NINL: variants seen among roughly 807,000 people sequenced by gnomAD.
The protein encoded by NINL is ninein-like protein.
A neutral mutation model predicts 160.3 loss-of-function variants in NINL; 153 were observed. That is an observed-to-expected ratio of 0.95 (90% confidence interval 0.84 to 1.09). The LOEUF (loss-of-function observed/expected upper bound fraction) is 1.09, where lower values mean the gene tolerates loss of function less well. NINL is among the 50% of genes least tolerant of loss of function. The probability of loss-of-function intolerance (pLI) is 0.00; values close to 1 mark genes in which losing one functional copy is unlikely to be tolerated. For missense variants in NINL, 1,829 were observed against 1,764.0 expected (o/e 1.04, Z -0.66); for synonymous variants, 800 against 734.8 (o/e 1.09, Z -1.43).
intron 1 of NINL, among the ~76,000 whole-genome samples, chr20:25,542,133 C>T (rs2064673347): frequency 6.6e-6 from 1 of 152,218 alleles, no homozygotes; most frequent in Non-Finnish European, 1.5e-5. Context: ...TCCTCCAAAG[C>T]ATGGGCTCAG....
chr20:25,559,541 G>A (rs1446606245), intron 1 of NINL, among the ~76,000 whole-genome samples: 2 of 151,854 alleles, frequency 1.3e-5, no homozygotes, highest in African/African-American at 2.4e-5. Context: ...ACCCAGCTGG[G>A]AGGGCCTTTT....
chr20:25,561,999 G>A (rs1408220425), intron 1 of NINL, among the ~76,000 whole-genome samples: 7 of 144,824 alleles, frequency 4.8e-5, no homozygotes, highest in East Asian at 2.1e-4. Flanking sequence ...GGTGAGAGGC[G>A]CCTCTGCCCG....
intron 17 of NINL, 70 bp from the exon 18 acceptor site, chr20:25,470,165 C>A: frequency 8.1e-7 from 1 of 1,239,482 alleles, no homozygotes; most frequent in South Asian, 1.2e-5. Context: ...GCTGGCTCTG[C>A]AGCGGGGAGT....
At chr20:25,541,327 G>A (rs1197924137) in intron 1 of NINL, among the ~76,000 whole-genome samples, 2 of 152,222 alleles carry the variant, frequency 1.3e-5, no homozygotes, top group African/African-American at 4.8e-5. Flanking sequence ...GTTAGGTACT[G>A]AGACCCGTGC....
chr20:25,503,844 G>A, intron 7 of NINL, 108 bp downstream of exon 7: 1 of 1,354,120 alleles, frequency 7.4e-7, no homozygotes, highest in Non-Finnish European at 1.0e-6. Flanking sequence ...TCCAGTTCTT[G>A]GACAGCTTGT....
At chr20:25,535,434 T>C (rs2064539697) in intron 1 of NINL, among the ~76,000 whole-genome samples, 1 of 152,178 alleles carries the variant, frequency 6.6e-6, no homozygotes, top group Non-Finnish European at 1.5e-5. Flanking sequence ...ATTAAGTATG[T>C]GAGGGGACAG....
At chr20:25,573,323 A>G (rs2065076700) in intron 1 of NINL, among the ~76,000 whole-genome samples, 1 of 152,130 alleles carries the variant, frequency 6.6e-6, no homozygotes, top group South Asian at 2.1e-4. Flanking sequence ...TTAAAGAATA[A>G]AATAACATAG....
chr20:25,528,017 A>G (rs796689574), intron 1 of NINL, among the ~76,000 whole-genome samples: 3 of 152,306 alleles, frequency 2.0e-5, no homozygotes, highest in African/African-American at 7.2e-5. Flanking sequence ...AACAGTCTTG[A>G]AATTCACATT....
intron 1 of NINL, among the ~76,000 whole-genome samples, chr20:25,570,351 TC>T (rs2065039583): frequency 6.6e-6 from 1 of 152,136 alleles, no homozygotes; most frequent in African/African-American, 2.4e-5. Context: ...GTAAGCACCA[TC>T]CCCTTGGTGC....
chr20:25,501,010 C>A lies in NINL; in HGVS notation c.862G>T (p.Val288Phe). 5.0e-6 allele frequency: 8 copies of A among 1,613,590 alleles called. No homozygotes were observed. The highest frequency in any genetic ancestry group is 6.8e-6 in the Non-Finnish European group (8 of 1,179,766). ...GTGTGGCAGCCGCTCTCCTCTGGGACCTGCATGTCAGGAAGACTTCCATAG... is the reference window on the plus strand; with the variant it reads ...GTGTGGCAGCCGCTCTCCTCTGGGAACTGCATGTCAGGAAGACTTCCATAG... Reference protein sequence around the residue: ...KPSKAWSHYQVPEESGCHTTT... With the variant: ...KPSKAWSHYQFPEESGCHTTT... Residue 288 changes from valine to phenylalanine, a missense_variant and splice_region_variant, in exon 8 of 24, where the codon GTC (valine) becomes TTC (phenylalanine). Physicochemically the swap from Val to Phe is conservative, Grantham distance 50. Transcript: ENST00000278886.
At chr20:25,478,265 T>G (rs955655766) in intron 16 of NINL, among the ~76,000 whole-genome samples, 4 of 152,150 alleles carry the variant, frequency 2.6e-5, no homozygotes, top group African/African-American at 9.7e-5. Context: ...TGACTTTCTG[T>G]CAGGCTGGGG....
At chr20:25,508,614 T>C (rs1045647364) in intron 5 of NINL, among the ~76,000 whole-genome samples, 2 of 152,190 alleles carry the variant, frequency 1.3e-5, no homozygotes, top group Admixed American at 1.3e-4. Context: ...TCATGCCTCC[T>C]ACAAGGGGAC....
intron 11 of NINL, among the ~76,000 whole-genome samples, chr20:25,490,843 G>A (rs1316751504): frequency 4.6e-5 from 7 of 152,136 alleles, no homozygotes; most frequent in Non-Finnish European, 7.4e-5. Flanking sequence ...ACACAGGCAG[G>A]AGCAGAGCAG....
intron 16 of NINL, 26 bp from the exon 17 acceptor site, chr20:25,477,115 C>T: frequency 1.3e-6 from 2 of 1,550,468 alleles, no homozygotes; most frequent in Non-Finnish European, 1.7e-6. Context: ...CGTCACACAC[C>T]ACAGCCCTGC....
chr20:25,465,573 A>G (rs1034820193), intron 19 of NINL, among the ~76,000 whole-genome samples: 3 of 152,000 alleles, frequency 2.0e-5, no homozygotes, highest in Non-Finnish European at 2.9e-5. Context: ...ACACAAGCAG[A>G]AGGGGTCCCC....
At chr20:25,506,263 A>G (rs78563318) in intron 5 of NINL, among the ~76,000 whole-genome samples, 1 of 152,144 alleles carries the variant, frequency 6.6e-6, no homozygotes, top group Non-Finnish European at 1.5e-5. Flanking sequence ...TCTGTCTCAG[A>G]AAAAAAAGAG....
At chr20:25,502,044 C>A (rs764049187) in intron 7 of NINL, among the ~76,000 whole-genome samples, 1 of 152,160 alleles carries the variant, frequency 6.6e-6, no homozygotes, top group Non-Finnish European at 1.5e-5. Context: ...TGCAGTGATG[C>A]GATCTCAGCT....
chr20:25,551,383 A>T (rs182516944), intron 1 of NINL, among the ~76,000 whole-genome samples: 10 of 148,064 alleles, frequency 6.8e-5, no homozygotes, highest in South Asian at 4.3e-4. Context: ...ATAAATAAAT[A>T]AAAAAAAAAA....
At position 25,557,388 on chromosome 20, in the gene NINL, A is replaced by C. The variant is rs557748497; in HGVS notation, c.-12+28067T>G. Among the ~76,000 whole-genome samples, 167 of 152,170 alleles carry C rather than the reference A, an allele frequency of 1.1e-3. 1 individual carries two copies. Among genetic ancestry groups the C allele is most frequent in the Non-Finnish European group, 2.0e-3 (134 of 67,994 alleles). On this transcript the variant is annotated intron_variant, in intron 1 of 23. Transcript: ENST00000278886. ...TCTACTAAAAATGCCCAAATTAGAT[A>C]GGTGTGATGGTGCATGCCTGTAATT...
Sources: gnomAD v4.1 joint callset for allele counts (sites outside exome capture counted in the v4.1 genomes callset) on GRCh38, gnomAD v4.1.1 for gene constraint, MANE v1.5 for transcripts, NCBI Gene and HGNC (gene_info 2026-07-23, HGNC 2026-07-21) for gene names.